Variants in LHFPL3 observed in about 807,000 individuals in gnomAD.
LHFPL3 encodes LHFPL tetraspan subfamily member 3 protein.
LHFPL3 carries 5 observed loss-of-function variants against 19.3 expected under a neutral mutation model. That is an observed-to-expected ratio of 0.26 (90% CI 0.14 to 0.54). LHFPL3 has a LOEUF of 0.54. Ranked by LOEUF, LHFPL3 falls within the 20% of genes least tolerant of loss-of-function variation. The probability of loss-of-function intolerance (pLI) is 0.94; values close to 1 mark genes in which losing one functional copy is unlikely to be tolerated. For synonymous variants in LHFPL3, 133 were observed against 126.2 expected (o/e 1.05, Z -0.36); for missense variants, 249 against 307.4 (o/e 0.81, Z 1.42).
At chr7:104,362,072 CTT>C (rs1012850448) in intron 1 of LHFPL3, among the ~76,000 whole-genome samples, 1 of 152,230 alleles carries the variant, frequency 6.6e-6, no homozygotes, top group African/African-American at 2.4e-5. Flanking sequence ...AGGTCTTCTT[CTT>C]CCCAGAGATG....
chr7:104,371,165 A>G (rs1015158096), intron 1 of LHFPL3, among the ~76,000 whole-genome samples: 6 of 152,190 alleles, frequency 3.9e-5, no homozygotes, highest in African/African-American at 1.2e-4. Flanking sequence ...TTGAGAGCAT[A>G]GACTCTACTT....
intron 2 of LHFPL3, among the ~76,000 whole-genome samples, chr7:104,833,038 T>TATATA (rs1554349397): frequency 4.6e-5 from 1 of 21,606 alleles, no homozygotes; most frequent in East Asian, 2.7e-3. Flanking sequence ...ATATTATATA[T>TATATA]ATATATTATA....
chr7:104,365,787 C>CAAAAAAAAAAAAAA (rs571171040), intron 1 of LHFPL3, among the ~76,000 whole-genome samples: 10 of 49,950 alleles, frequency 2.0e-4, no homozygotes, highest in African/African-American at 6.6e-4. Context: ...GACTCCGTCT[C>CAAAAAAAAAAAAAA]AAAAAAAAAA....
At chr7:104,441,001 TC>T (rs1455406908) in intron 1 of LHFPL3, among the ~76,000 whole-genome samples, 2 of 152,156 alleles carry the variant, frequency 1.3e-5, no homozygotes, top group African/African-American at 4.8e-5. Context: ...TCCAAAAGTT[TC>T]CTCATGCCTC....
intron 1 of LHFPL3, among the ~76,000 whole-genome samples, chr7:104,481,456 C>T (rs144368249): frequency 2.4e-3 from 372 of 152,278 alleles, no homozygotes; most frequent in African/African-American, 8.5e-3. Flanking sequence ...TCACCCTAGG[C>T]TCCAACTACA....
At chr7:104,683,738 C>G (rs1191389964) in intron 1 of LHFPL3, among the ~76,000 whole-genome samples, 1 of 152,158 alleles carries the variant, frequency 6.6e-6, no homozygotes, top group African/African-American at 2.4e-5. Context: ...AATAGTATCA[C>G]CAATTTACAA....
At chr7:104,687,241 T>C (rs536897742) in intron 1 of LHFPL3, among the ~76,000 whole-genome samples, 1 of 152,334 alleles carries the variant, frequency 6.6e-6, no homozygotes, top group South Asian at 2.1e-4. Context: ...AATAGCAAGA[T>C]GGAAGAGATG....
At chr7:104,819,411 A>G (rs1584552570) in intron 2 of LHFPL3, among the ~76,000 whole-genome samples, 1 of 150,546 alleles carries the variant, frequency 6.6e-6, no homozygotes, top group East Asian at 1.9e-4. Context: ...TGTCTCAATT[A>G]CTTACCTTCA....
intron 1 of LHFPL3, among the ~76,000 whole-genome samples, chr7:104,393,279 T>C (rs1791115420): frequency 6.6e-6 from 1 of 152,080 alleles, no homozygotes; most frequent in Admixed American, 6.5e-5. Flanking sequence ...CAATGAAACA[T>C]AAAGTTACCA....
chr7:104,404,638 G>A (rs1372827161), intron 1 of LHFPL3, among the ~76,000 whole-genome samples: 4 of 152,148 alleles, frequency 2.6e-5, no homozygotes, highest in Non-Finnish European at 5.9e-5. Context: ...CAAAGTAATC[G>A]TTCTGTCTCC....
At chr7:104,545,396 C>G (rs949383869) in intron 1 of LHFPL3, among the ~76,000 whole-genome samples, 18 of 152,170 alleles carry the variant, frequency 1.2e-4, no homozygotes, top group Non-Finnish European at 2.2e-4. Flanking sequence ...CAGGTTCCTG[C>G]ACTCGTCTAG....
intron 1 of LHFPL3, among the ~76,000 whole-genome samples, chr7:104,506,929 A>G (rs1034957730): frequency 3.3e-5 from 5 of 152,252 alleles, no homozygotes; most frequent in Non-Finnish European, 7.3e-5. Context: ...GGGAAGTAAT[A>G]TAAGTAGCTG....
intron 1 of LHFPL3, among the ~76,000 whole-genome samples, chr7:104,507,764 A>G (rs1793728224): frequency 7.4e-5 from 10 of 134,552 alleles, no homozygotes; most frequent in Admixed American, 2.4e-4. Flanking sequence ...ATTTACAAGA[A>G]AAAAACAAAC....
chr7:104,703,439 G>A (rs145520294), intron 1 of LHFPL3, among the ~76,000 whole-genome samples: 118 of 152,250 alleles, frequency 7.8e-4, no homozygotes, highest in African/African-American at 2.6e-3. Flanking sequence ...TGCTATGTTT[G>A]TGTAAAACCT....
At chr7:104,343,190 T>C (rs941255213) in intron 1 of LHFPL3, among the ~76,000 whole-genome samples, 3 of 152,000 alleles carry the variant, frequency 2.0e-5, no homozygotes, top group African/African-American at 7.2e-5. Context: ...TGTTAAAGTA[T>C]TATCCAAGTT....
In LHFPL3 at chr7:104,546,731, C is replaced by G. The variant is rs113214622; in HGVS notation, c.446-189944C>G. ...ATCCTCCCAAGGCTGCATAACTGAG[C>G]TGGGAGAGTTCTTCCTTTGTCACTG... On this transcript the variant is annotated intron_variant, in intron 1 of 2. Transcript: ENST00000424859. 9.4e-3 allele frequency among the ~76,000 whole-genome samples: 1,430 copies of G among 152,270 alleles called. 24 individuals carry two copies. Among genetic ancestry groups the G allele is most frequent in the African/African-American group, 0.033 (1,356 of 41,550 alleles).
intron 1 of LHFPL3, among the ~76,000 whole-genome samples, chr7:104,388,199 T>C (rs1404444611): frequency 1.3e-5 from 2 of 152,344 alleles, no homozygotes; most frequent in East Asian, 3.9e-4. Context: ...GATAGGCACC[T>C]AGATTGATTC....
Position 104,374,894 on chromosome 7 carries a change from A to G in LHFPL3, c.445+45670A>G, listed in dbSNP as rs137883683. Among the ~76,000 whole-genome samples the G allele has an allele frequency of 2.0e-5, 3 of 152,344 alleles. No homozygotes were observed. In the East Asian group the frequency reaches 5.8e-4, roughly 29 times the overall value. On this transcript the variant is annotated intron_variant, in intron 1 of 2. Coordinates refer to ENST00000424859, the MANE Select transcript of LHFPL3 (RefSeq NM_199000.3). ...ATGGAATTATTATTTTTGAATGTTT[A>G]GTGAAGTAGTAGAATTGGCAGCAGA...
At chr7:104,461,843 G>A (rs1251604274) in intron 1 of LHFPL3, among the ~76,000 whole-genome samples, 1 of 152,166 alleles carries the variant, frequency 6.6e-6, no homozygotes, top group Non-Finnish European at 1.5e-5. Flanking sequence ...GCTTTGGGCA[G>A]TATGGCCATT....
Sources: allele counts gnomAD v4.1 joint callset (sites outside exome capture counted in the v4.1 genomes callset), GRCh38; gene constraint gnomAD v4.1.1; transcripts MANE v1.5; gene names NCBI Gene and HGNC (gene_info 2026-07-23, HGNC 2026-07-21).